ASTN2: variants seen among roughly 807,000 people sequenced by gnomAD.
ASTN2 encodes the protein astrotactin 2.
In ASTN2, 54 loss-of-function variants were observed where a neutral mutation model predicts 139.8. That is an observed-to-expected ratio of 0.39 (90% CI 0.31 to 0.48). ASTN2 has a LOEUF of 0.48. ASTN2 is among the 20% of genes least tolerant of loss of function. ASTN2 has a pLI of 0.95. For missense variants in ASTN2, 1,565 were observed against 1,725.1 expected, an observed-to-expected ratio of 0.91 and a Z score of 1.64; for synonymous variants, 756 against 719.5, an observed-to-expected ratio of 1.05 and a Z score of -0.81.
At chr9:117,400,726 A>T (rs892829238) in intron 1 of ASTN2, among the ~76,000 whole-genome samples, 3 of 152,170 alleles carry the variant, frequency 2.0e-5, no homozygotes, top group African/African-American at 7.2e-5. Context: ...CCAGCCTCAG[A>T]AGTTCCCAGA....
intron 20 of ASTN2, among the ~76,000 whole-genome samples, chr9:116,454,267 T>A (rs865827589): frequency 6.6e-6 from 1 of 152,176 alleles, no homozygotes; most frequent in Non-Finnish European, 1.5e-5. Flanking sequence ...AAAAAGACTA[T>A]ACCCTATGAC....
Position 117,039,910 on chromosome 9 carries a change from G to A in ASTN2, c.1332C>T (p.Ser444=), listed in dbSNP as rs1314112978. 2.5e-6 allele frequency: 4 copies of A among 1,613,722 alleles called. No homozygotes were observed. ...TGCCACACACCATGGCCAGGATGCA[G>A]GAACTCACAGCAATCAGTGTCAGGG... The part of the protein sequence containing the change: ...KTALTLIAVS[S]CILAMVCGSQ... Residue 444 remains serine, a synonymous_variant, in exon 6 of 23, where the codon TCC becomes TCT. Transcript: ENST00000313400.
intron 13 of ASTN2, among the ~76,000 whole-genome samples, chr9:116,745,688 C>T (rs374122184): frequency 3.5e-4 from 54 of 152,318 alleles, no homozygotes; most frequent in African/African-American, 1.3e-3. Context: ...CCATCATCCC[C>T]TCTCATAGCG....
chr9:116,499,336 G>A (rs779502742), intron 19 of ASTN2, among the ~76,000 whole-genome samples: 2 of 152,176 alleles, frequency 1.3e-5, no homozygotes, highest in African/African-American at 4.8e-5. Context: ...CAGGGATGAT[G>A]CCGGAGAGGT....
chr9:116,898,758 C>G (rs973556620), intron 10 of ASTN2, among the ~76,000 whole-genome samples: 3 of 152,202 alleles, frequency 2.0e-5, no homozygotes, highest in African/African-American at 7.2e-5. Flanking sequence ...CAGCGTTGAT[C>G]TCCCTGGCTC....
intron 3 of ASTN2, among the ~76,000 whole-genome samples, chr9:117,165,584 C>T (rs1424574215): frequency 6.6e-6 from 1 of 152,112 alleles, no homozygotes; most frequent in Non-Finnish European, 1.5e-5. Flanking sequence ...TGGATAGTTA[C>T]TTGTGTCATG....
intron 2 of ASTN2, among the ~76,000 whole-genome samples, chr9:117,246,349 C>T (rs1312654271): frequency 6.6e-6 from 1 of 152,088 alleles, no homozygotes; most frequent in Non-Finnish European, 1.5e-5. Flanking sequence ...AGGGGAGAAA[C>T]CAAGGCCTAG....
In ASTN2 at chr9:116,680,667, G is replaced by T. The variant is rs866497188; in HGVS notation, c.2807-28874C>A. ...CGAATCCAGCAGCACATCAAAAAGC[G>T]TATCCACCATGATCAAGTGGGCTTC... is the stretch of plus-strand genomic sequence containing the variant. On this transcript the variant is annotated intron_variant, in intron 16 of 22. Transcript: ENST00000313400. 1.1e-3 allele frequency among the ~76,000 whole-genome samples: 163 copies of T among 152,140 alleles called. 1 individual carries two copies. Among genetic ancestry groups the T allele is most frequent in the Middle Eastern group, 6.8e-3 (2 of 294 alleles).
At chr9:116,911,374 G>T (rs1834305301) in intron 10 of ASTN2, among the ~76,000 whole-genome samples, 1 of 152,056 alleles carries the variant, frequency 6.6e-6, no homozygotes, top group African/African-American at 2.4e-5. Context: ...AACTCTCAAG[G>T]TCATGACAAA....
At chr9:117,348,318 C>A (rs1373351110) in intron 1 of ASTN2, among the ~76,000 whole-genome samples, 1 of 152,214 alleles carries the variant, frequency 6.6e-6, no homozygotes, top group Non-Finnish European at 1.5e-5. Flanking sequence ...GGGATTAACT[C>A]TATTTCTCTT....
At chr9:116,903,327 G>T (rs1834068978) in intron 10 of ASTN2, among the ~76,000 whole-genome samples, 1 of 152,100 alleles carries the variant, frequency 6.6e-6, no homozygotes, top group Non-Finnish European at 1.5e-5. Flanking sequence ...TAAAATCGTT[G>T]TTGGCAGAGA....
intron 19 of ASTN2, among the ~76,000 whole-genome samples, chr9:116,540,121 G>A (rs1415166941): frequency 2.6e-5 from 4 of 152,040 alleles, no homozygotes; most frequent in Admixed American, 6.5e-5. Flanking sequence ...TAAAATACTG[G>A]CTGTATTCTT....
chr9:116,619,201 C>T (rs968165004), intron 18 of ASTN2, among the ~76,000 whole-genome samples: 1 of 152,100 alleles, frequency 6.6e-6, no homozygotes, highest in African/African-American at 2.4e-5. Context: ...CCACAGAGTT[C>T]GATTATGGGA....
At chr9:116,929,144 C>G (rs778805985) in intron 10 of ASTN2, among the ~76,000 whole-genome samples, 3 of 152,126 alleles carry the variant, frequency 2.0e-5, no homozygotes, top group Non-Finnish European at 4.4e-5. Context: ...TTAGGGGAAA[C>G]AAGGAAGGCT....
At chr9:116,809,731 G>A (rs1047607590) in intron 12 of ASTN2, among the ~76,000 whole-genome samples, 3 of 152,086 alleles carry the variant, frequency 2.0e-5, no homozygotes, top group East Asian at 1.9e-4. Flanking sequence ...TACGTTTTGC[G>A]AGTTAACTCT....
chr9:116,589,267 G>T (rs1854283104), intron 19 of ASTN2, among the ~76,000 whole-genome samples: 1 of 152,198 alleles, frequency 6.6e-6, no homozygotes, highest in Non-Finnish European at 1.5e-5. Flanking sequence ...TGGACACATA[G>T]TTAACAGAAA....
At chr9:117,334,498 T>C (rs1417461700) in intron 1 of ASTN2, among the ~76,000 whole-genome samples, 2 of 151,862 alleles carry the variant, frequency 1.3e-5, no homozygotes, top group Non-Finnish European at 2.9e-5. Context: ...TTTTTTTTTT[T>C]TGACGGTGGA....
intron 19 of ASTN2, among the ~76,000 whole-genome samples, chr9:116,591,868 G>A (rs1053858109): frequency 3.9e-5 from 6 of 152,124 alleles, no homozygotes; most frequent in Admixed American, 6.5e-5. Context: ...CTTATGATAC[G>A]TGCATTTTTA....
chr9:116,557,410 T>C (rs1448153941), intron 19 of ASTN2, among the ~76,000 whole-genome samples: 1 of 152,142 alleles, frequency 6.6e-6, no homozygotes, highest in East Asian at 1.9e-4. Flanking sequence ...CTTTTCAGTA[T>C]TCTTGAGTTA....
Sources: gnomAD v4.1 joint callset for allele counts (sites outside exome capture counted in the v4.1 genomes callset) on GRCh38, gnomAD v4.1.1 for gene constraint, MANE v1.5 for transcripts, NCBI Gene and HGNC (gene_info 2026-07-23, HGNC 2026-07-21) for gene names.